The following IL6R variants were observed in gnomAD, a reference collection of about 807,000 sequenced individuals.
The protein encoded by IL6R is interleukin 6 receptor.
IL6R carries 38 observed loss-of-function variants against 48.3 expected under a neutral mutation model. That is an observed-to-expected ratio of 0.79 (90% CI 0.61 to 1.03). IL6R has a LOEUF of 1.03. IL6R is among the 50% of genes least tolerant of loss of function. The pLI is 0.00. For synonymous variants in IL6R, 264 were observed against 256.2 expected (o/e 1.03, Z -0.29); for missense variants, 534 against 618.3 (o/e 0.86, Z 1.45).
At chr1:154,422,095 T>C (rs372602630) in intron 1 of IL6R, among the ~76,000 whole-genome samples, 1 of 152,050 alleles carries the variant, frequency 6.6e-6, no homozygotes, top group Non-Finnish European at 1.5e-5. Flanking sequence ...TACAGGTGTG[T>C]GCCACCACGC....
At position 154,467,519 on chromosome 1, in the gene IL6R, T is replaced by G. The variant is rs1034658750; in HGVS notation, c.*2139T>G. On this transcript the variant is annotated 3_prime_UTR_variant, in exon 10 of 10. Coordinates refer to ENST00000368485, the MANE Select transcript of IL6R (RefSeq NM_000565.4). ...GTTTTCCAGGTTTAAGCTGTTACTGTCTTCAGTAAGCCGTGATTTTCATTG... is the reference window on the plus strand; with the variant it reads ...GTTTTCCAGGTTTAAGCTGTTACTGGCTTCAGTAAGCCGTGATTTTCATTG... 1 of 152,246 alleles carries G rather than the reference T, an allele frequency of 6.6e-6. No individual in the cohort carries two copies. Among genetic ancestry groups the G allele is most frequent in the Non-Finnish European group, 1.5e-5 (1 of 68,042 alleles). 9.4% of individuals were successfully genotyped at this position (152,246 alleles called of 1,614,324 possible).
chr1:154,465,233 C>T lies in IL6R; in HGVS notation c.1260C>T (p.Pro420=), dbSNP rs1264270707. 3 of 1,614,210 alleles carry T rather than the reference C, an allele frequency of 1.9e-6. No individual in the cohort carries two copies. The African/African-American group carries it at 4.0e-5, about 22-fold the overall frequency. Residue 420 remains proline (P), a synonymous_variant, in exon 10 of 10, where the codon CCC becomes CCT. Coordinates refer to ENST00000368485, the MANE Select transcript of IL6R (RefSeq NM_000565.4). ...AGCTGGTCCCGGAGAGGCCTCGACC[C>T]ACCCCAGTGCTTGTTCCTCTCATCT... ...LGQLVPERPR[P]TPVLVPLISP...
chr1:154,465,287 G>T lies in IL6R; in HGVS notation c.1314G>T (p.Gly438=). Residue 438 remains glycine, a synonymous_variant, in exon 10 of 10, where the codon GGG becomes GGT. Coordinates refer to ENST00000368485, the MANE Select transcript of IL6R (RefSeq NM_000565.4). ...CACCGGTGTCCCCCAGCAGCCTGGG[G>T]TCTGACAATACCTCGAGCCACAACC... ...ISPPVSPSSL[G]SDNTSSHNRP... The T allele has an allele frequency of 6.2e-7, 1 of 1,614,138 alleles. No homozygotes were observed. The highest frequency in any genetic ancestry group is 1.1e-5 in the South Asian group (1 of 91,076).
intron 3 of IL6R, 25 bp from the exon 4 acceptor site, chr1:154,434,494 C>T (rs1193707177): frequency 6.2e-7 from 1 of 1,602,628 alleles, no homozygotes; most frequent in Admixed American, 1.7e-5. Flanking sequence ...ACAGGCAAGC[C>T]CTGCCCTTGT....
intron 1 of IL6R, among the ~76,000 whole-genome samples, chr1:154,413,359 G>A (rs1025968372): frequency 2.0e-5 from 3 of 152,234 alleles, no homozygotes; most frequent in African/African-American, 4.8e-5. Flanking sequence ...GGCCCCTGCT[G>A]TGGGGAATAA....
chr1:154,444,743 T>C (rs1295490922), intron 6 of IL6R, among the ~76,000 whole-genome samples: 1 of 151,348 alleles, frequency 6.6e-6, no homozygotes, highest in Non-Finnish European at 1.5e-5. Context: ...CAAAAAAAAG[T>C]TAAAAAAAAA....
Position 154,465,485 on chromosome 1 carries a change from C to CG in IL6R, c.*107dup. ...CATGCCAGCTTATCTCAGGGGTGTG[C>CG]GGCCTTTGGCTTCACGGAAGAGCCT... On this transcript the variant is annotated 3_prime_UTR_variant, in exon 10 of 10. Coordinates refer to ENST00000368485, the MANE Select transcript of IL6R (RefSeq NM_000565.4). 6.0e-6 allele frequency: 8 copies of CG among 1,328,100 alleles called. No individual in the cohort carries two copies. In the South Asian group the frequency reaches 1.0e-4, roughly 17 times the overall value. The allele number at this position is 1,328,100 out of a possible 1,614,324, so 82.3% of individuals were successfully genotyped here.
At chr1:154,456,195 A>G (rs2149270758) in intron 9 of IL6R, among the ~76,000 whole-genome samples, 1 of 149,378 alleles carries the variant, frequency 6.7e-6, no homozygotes, top group Non-Finnish European at 1.5e-5. Flanking sequence ...TTGGAGAGCC[A>G]TGAATAGATT....
Position 154,467,224 on chromosome 1 carries a change from G to A in IL6R, c.*1844G>A, listed in dbSNP as rs1337136161. On this transcript the variant is annotated 3_prime_UTR_variant, in exon 10 of 10. Transcript: ENST00000368485. The stretch of plus-strand genomic sequence containing the variant: ...TTCAGCTCTGCAAGAATTGAAGCAG[G>A]ACTAAATGTCTAGTTGTAACACCAT... The A allele has an allele frequency of 6.6e-6, 1 of 152,228 alleles. No individual in the cohort carries two copies. The allele number at this position is 152,228 out of a possible 1,614,324, so 9.4% of individuals were successfully genotyped here.
rs1691648277 is a variant in IL6R, at chr1:154,468,377, G to A, written c.*2997G>A. On this transcript the variant is annotated 3_prime_UTR_variant, in exon 10 of 10. Transcript: ENST00000368485. ...AAACGCTGAGACAGAGACCATTTAGGTTAAATACGACAGCTTATCCTGCTG... is the reference window on the plus strand; with the variant it reads ...AAACGCTGAGACAGAGACCATTTAGATTAAATACGACAGCTTATCCTGCTG... 1.3e-5 allele frequency: 2 copies of A among 152,340 alleles called. No individual in the cohort carries two copies. The highest frequency in any genetic ancestry group is 2.9e-5 in the Non-Finnish European group (2 of 68,024). The allele number at this position is 152,340 out of a possible 1,614,324, so 9.4% of individuals were successfully genotyped here.
chr1:154,414,359 T>A, intron 1 of IL6R: 1 of 1,363,408 alleles, frequency 7.3e-7, no homozygotes. Context: ...CTGTGCCTGG[T>A]GGGCTCAGAA....
chr1:154,457,541 C>G (rs940571125), intron 9 of IL6R, among the ~76,000 whole-genome samples: 1 of 152,100 alleles, frequency 6.6e-6, no homozygotes, highest in Non-Finnish European at 1.5e-5. Context: ...ACCCTGGCTG[C>G]TGTCTCATCA....
chr1:154,416,470 G>A (rs1383159907), intron 1 of IL6R, among the ~76,000 whole-genome samples: 1 of 152,110 alleles, frequency 6.6e-6, no homozygotes, highest in Non-Finnish European at 1.5e-5. Context: ...ATTAATTAGG[G>A]AACACTGATG....
Position 154,434,907 on chromosome 1 carries a change from C to A in IL6R, c.641-83C>A, listed in dbSNP as rs953435653. On this transcript the variant is annotated intron_variant, in intron 4 of 9. Coordinates refer to ENST00000368485, the MANE Select transcript of IL6R (RefSeq NM_000565.4). ...GGAGTGAACGGGGCTGGGTGGGGCC[C>A]TGCTTGCTGGGATCTCAGCCTACAT... 6.1e-6 allele frequency: 9 copies of A among 1,471,772 alleles called. No individual in the cohort carries two copies. The African/African-American group carries it at 1.3e-4, about 20-fold the overall frequency. 91.2% of individuals were successfully genotyped at this position (1,471,772 alleles called of 1,614,324 possible).
chr1:154,465,452 C>T lies in IL6R; in HGVS notation c.*72C>T, dbSNP rs983103282. The T allele has an allele frequency of 3.3e-5, 51 of 1,551,152 alleles. No individual in the cohort carries two copies. Among genetic ancestry groups the T allele is most frequent in the Middle Eastern group, 3.4e-4 (2 of 5,898 alleles). ...CAAACGGGCTCAGCAAAAGATGCTTCTCACTGCCATGCCAGCTTATCTCAG... is the reference window on the plus strand; with the variant it reads ...CAAACGGGCTCAGCAAAAGATGCTTTTCACTGCCATGCCAGCTTATCTCAG... On this transcript the variant is annotated 3_prime_UTR_variant, in exon 10 of 10. Transcript: ENST00000368485.
chr1:154,458,295 G>T (rs1226513944), intron 9 of IL6R, among the ~76,000 whole-genome samples: 1 of 152,100 alleles, frequency 6.6e-6, no homozygotes, highest in Non-Finnish European at 1.5e-5. Context: ...CAATGAAGTA[G>T]ATTACAAGCC....
chr1:154,411,241 T>C (rs1272636720), intron 1 of IL6R, among the ~76,000 whole-genome samples: 2 of 152,096 alleles, frequency 1.3e-5, no homozygotes, highest in African/African-American at 4.8e-5. Flanking sequence ...GTATTTTTAG[T>C]AGAGATGGGG....
In IL6R at chr1:154,434,717, C is replaced by G. The variant is rs1237506441; in HGVS notation, c.640+17C>G. ...GTGGAATCTGTACGTAAGCTCTAAC[C>G]CCCTCTCCAGCAGTTTCCTTCTCTT... On this transcript the variant is annotated intron_variant, in intron 4 of 9. Coordinates refer to ENST00000368485, the MANE Select transcript of IL6R (RefSeq NM_000565.4). The G allele has an allele frequency of 1.2e-6, 2 of 1,606,620 alleles. No individual in the cohort carries two copies.
At chr1:154,434,792 T>A in intron 4 of IL6R, 92 bp downstream of exon 4, 1 of 1,368,638 alleles carries the variant, frequency 7.3e-7, no homozygotes, top group Non-Finnish European at 1.0e-6. Flanking sequence ...GAAGGGGTGG[T>A]TGAGGGGTTT....
Sources: gnomAD v4.1 joint callset for allele counts (sites outside exome capture counted in the v4.1 genomes callset) on GRCh38, gnomAD v4.1.1 for gene constraint, MANE v1.5 for transcripts, NCBI Gene and HGNC (gene_info 2026-07-23, HGNC 2026-07-21) for gene names.